Variants in CNNM2 observed in about 807,000 individuals in gnomAD.
CNNM2 encodes the protein metal transporter CNNM2.
CNNM2 carries 12 observed loss-of-function variants against 66.9 expected under a neutral mutation model. The observed-to-expected ratio is 0.18, with a 90% CI of 0.11 to 0.29. The LOEUF is 0.29. Ranked by LOEUF, CNNM2 falls within the 10% of genes least tolerant of loss-of-function variation. CNNM2 has a pLI of 1.00. For synonymous variants in CNNM2, 557 were observed against 501.8 expected, an observed-to-expected ratio of 1.11 and a Z score of -1.47; for missense variants, 705 against 1,167.7, an observed-to-expected ratio of 0.60 and a Z score of 5.77.
At chr10:103,062,535 G>A (rs972740595) in intron 4 of CNNM2, among the ~76,000 whole-genome samples, 3 of 152,136 alleles carry the variant, frequency 2.0e-5, no homozygotes, top group African/African-American at 4.8e-5. Flanking sequence ...AATTGACTAG[G>A]TATAAGATTC....
chr10:103,024,276 T>C (rs2064652880), intron 1 of CNNM2, among the ~76,000 whole-genome samples: 1 of 152,028 alleles, frequency 6.6e-6, no homozygotes, highest in Non-Finnish European at 1.5e-5. Flanking sequence ...AAATAGACAA[T>C]AAACCACAAT....
chr10:103,005,295 A>G (rs1184124144), intron 1 of CNNM2, among the ~76,000 whole-genome samples: 1 of 152,142 alleles, frequency 6.6e-6, no homozygotes, highest in Non-Finnish European at 1.5e-5. Context: ...ATTCGTTGAT[A>G]CTATTGTCAA....
chr10:102,978,686 G>T (rs1443022827), intron 1 of CNNM2, among the ~76,000 whole-genome samples: 1 of 152,206 alleles, frequency 6.6e-6, no homozygotes, highest in Non-Finnish European at 1.5e-5. Flanking sequence ...TTATGAGTTT[G>T]CAGTGAATTT....
At chr10:102,987,913 G>C (rs546989646) in intron 1 of CNNM2, among the ~76,000 whole-genome samples, 1 of 152,272 alleles carries the variant, frequency 6.6e-6, no homozygotes, top group South Asian at 2.1e-4. Context: ...TCTTCTCTCT[G>C]AGGCCTCAAT....
intron 1 of CNNM2, among the ~76,000 whole-genome samples, chr10:102,984,136 G>A (rs1476454614): frequency 6.6e-6 from 1 of 152,170 alleles, no homozygotes; most frequent in Non-Finnish European, 1.5e-5. Context: ...ATAAATGAAT[G>A]CATGTAGTTA....
intron 1 of CNNM2, among the ~76,000 whole-genome samples, chr10:102,959,896 C>T (rs1237603022): frequency 6.6e-6 from 1 of 151,792 alleles, no homozygotes; most frequent in Non-Finnish European, 1.5e-5. Flanking sequence ...ACTAAAAATA[C>T]AAAAAATTAG....
At chr10:103,058,210 G>C (rs749712179) in intron 4 of CNNM2, among the ~76,000 whole-genome samples, 1 of 152,052 alleles carries the variant, frequency 6.6e-6, no homozygotes, top group African/African-American at 2.4e-5. Flanking sequence ...TCTAAATTTA[G>C]TTTTCCTCAA....
At chr10:102,995,172 C>CTTCCTCCTCCTCTTCCCCTTT (rs1564836976) in intron 1 of CNNM2, among the ~76,000 whole-genome samples, 6 of 5,032 alleles carry the variant, frequency 1.2e-3, no homozygotes, top group Non-Finnish European at 3.2e-3. Flanking sequence ...TCCTCCTCCC[C>CTTCCTCCTCCTCTTCCCCTTT]CTCTTCCTCC....
At chr10:103,038,472 C>CT (rs1320254125) in intron 1 of CNNM2, among the ~76,000 whole-genome samples, 1 of 152,148 alleles carries the variant, frequency 6.6e-6, no homozygotes, top group Admixed American at 6.5e-5. Flanking sequence ...TGAGTGCTAC[C>CT]TCCCTACTGT....
intron 1 of CNNM2, among the ~76,000 whole-genome samples, chr10:102,953,694 C>A (rs573674594): frequency 1.3e-5 from 2 of 152,080 alleles, no homozygotes; most frequent in South Asian, 4.2e-4. Flanking sequence ...TGAGTAGCTG[C>A]GACCACAGGC....
intron 1 of CNNM2, among the ~76,000 whole-genome samples, chr10:103,046,627 T>C (rs1238886152): frequency 6.6e-6 from 1 of 152,224 alleles, no homozygotes; most frequent in African/African-American, 2.4e-5. Flanking sequence ...TGCTTGCTAA[T>C]ATAGTGTTAT....
In CNNM2 at chr10:102,919,870, A is replaced by G; in HGVS notation, c.1390A>G (p.Ile464Val). The change falls in exon 1 of 8, where the codon ATC (isoleucine) becomes GTC (valine). Residue 464 changes from isoleucine to valine, a missense_variant. Transcript: ENST00000369878. ...RDCFMITGEA[I>V]LDFNTMSEIM... ...CTGCTTCATGATCACCGGCGAAGCC[A>G]TCCTGGACTTCAACACCATGTCTGA... 1 of 1,614,234 alleles carries G rather than the reference A, an allele frequency of 6.2e-7. No homozygotes were observed. Among genetic ancestry groups the G allele is most frequent in the Non-Finnish European group, 8.5e-7 (1 of 1,180,040 alleles).
At chr10:103,000,627 G>C (rs1313668465) in intron 1 of CNNM2, among the ~76,000 whole-genome samples, 1 of 151,952 alleles carries the variant, frequency 6.6e-6, no homozygotes, top group African/African-American at 2.4e-5. Flanking sequence ...CTCATTTTTA[G>C]TAGAGTAAGG....
At position 102,955,590 on chromosome 10, in the gene CNNM2, C is replaced by G. The variant is rs534812771; in HGVS notation, c.1621+35489C>G. 2.0e-5 allele frequency among the ~76,000 whole-genome samples: 3 copies of G among 152,244 alleles called. No individual in the cohort carries two copies. In the East Asian group the frequency reaches 5.8e-4, roughly 29 times the overall value. Reference sequence around the variant, plus strand: ...ACTACCATCAGAGTGAACAGGCAACCTACAGAATGGGAGAAAATTTTTGCA... The same window carrying G: ...ACTACCATCAGAGTGAACAGGCAACGTACAGAATGGGAGAAAATTTTTGCA... On this transcript the variant is annotated intron_variant, in intron 1 of 7. Coordinates refer to ENST00000369878, the MANE Select transcript of CNNM2 (RefSeq NM_017649.5).
chr10:102,939,496 C>T (rs1420952056), intron 1 of CNNM2, among the ~76,000 whole-genome samples: 1 of 152,184 alleles, frequency 6.6e-6, no homozygotes, highest in Non-Finnish European at 1.5e-5. Flanking sequence ...GAGGACCACT[C>T]TTCAGGTTGG....
chr10:103,049,382 T>C (rs550105279), intron 1 of CNNM2, among the ~76,000 whole-genome samples: 6 of 152,218 alleles, frequency 3.9e-5, no homozygotes, highest in Non-Finnish European at 7.3e-5. Flanking sequence ...TAGGGCACCA[T>C]GGACCACACT....
intron 1 of CNNM2, among the ~76,000 whole-genome samples, chr10:103,009,430 G>A (rs541658762): frequency 9.2e-5 from 14 of 152,148 alleles, no homozygotes; most frequent in African/African-American, 2.9e-4. Context: ...GATGGCTGAC[G>A]CCTTTAGTCA....
chr10:102,967,314 T>G (rs879205244), intron 1 of CNNM2, among the ~76,000 whole-genome samples: 1 of 152,112 alleles, frequency 6.6e-6, no homozygotes. Context: ...AACCCACCCA[T>G]GTAAGCATAC....
chr10:103,075,638 A>G (rs2065677044), intron 6 of CNNM2, among the ~76,000 whole-genome samples: 1 of 152,204 alleles, frequency 6.6e-6, no homozygotes. Flanking sequence ...CCTTTATAAT[A>G]CATACTGATT....
Sources: allele counts gnomAD v4.1 joint callset (sites outside exome capture counted in the v4.1 genomes callset), GRCh38; gene constraint gnomAD v4.1.1; transcripts MANE v1.5; gene names NCBI Gene and HGNC (gene_info 2026-07-23, HGNC 2026-07-21).